The following PPP1R9A variants were observed in gnomAD, a reference collection of about 807,000 sequenced individuals.
The protein encoded by PPP1R9A is protein phosphatase 1 regulatory subunit 9A.
Under a neutral mutation model 141.9 loss-of-function variants are expected in PPP1R9A, and 59 were observed. The observed-to-expected ratio is 0.42, with a 90% CI of 0.34 to 0.52. The LOEUF (loss-of-function observed/expected upper bound fraction) is 0.52. Ranked by LOEUF, PPP1R9A falls within the 20% of genes least tolerant of loss-of-function variation. PPP1R9A has a pLI of 0.10. For missense variants in PPP1R9A, 1,444 were observed against 1,611.9 expected, an observed-to-expected ratio of 0.90 and a Z score of 1.78; for synonymous variants, 500 against 569.7, an observed-to-expected ratio of 0.88 and a Z score of 1.74.
At chr7:95,004,331 G>T (rs1000790950) in intron 2 of PPP1R9A, among the ~76,000 whole-genome samples, 1 of 151,652 alleles carries the variant, frequency 6.6e-6, no homozygotes, top group African/African-American at 2.4e-5. Flanking sequence ...ACAGTATGAC[G>T]GCCAAAAAAA....
At chr7:95,288,818 GAGGT>G in intron 19 of PPP1R9A, 100 bp downstream of exon 19, 1 of 1,353,792 alleles carries the variant, frequency 7.4e-7, no homozygotes, top group Non-Finnish European at 1.0e-6. Context: ...GCATATCTGA[GAGGT>G]AATTCTCATC....
intron 18 of PPP1R9A, among the ~76,000 whole-genome samples, chr7:95,287,766 A>C (rs1016235007): frequency 6.6e-6 from 1 of 151,928 alleles, no homozygotes; most frequent in Non-Finnish European, 1.5e-5. Context: ...GTTCACTGCA[A>C]CCTCCACCTC....
At chr7:94,999,823 A>T (rs1372856094) in intron 2 of PPP1R9A, among the ~76,000 whole-genome samples, 2 of 126,992 alleles carry the variant, frequency 1.6e-5, no homozygotes, top group Non-Finnish European at 3.3e-5. Flanking sequence ...ATTTATTTAG[A>T]TAGAGTCTCA....
At chr7:95,211,208 A>G (rs1384849300) in intron 7 of PPP1R9A, among the ~76,000 whole-genome samples, 2 of 152,274 alleles carry the variant, frequency 1.3e-5, no homozygotes, top group Middle Eastern at 3.4e-3. Flanking sequence ...TGGACAGACA[A>G]TACCTTTGGC....
chr7:95,112,763 CTT>C (rs1318419250), intron 3 of PPP1R9A, among the ~76,000 whole-genome samples: 13 of 151,948 alleles, frequency 8.6e-5, no homozygotes, highest in Admixed American at 5.2e-4. Context: ...GAAATCATGT[CTT>C]TTGCAGCAAC....
At chr7:94,931,250 G>T (rs1179331086) in intron 2 of PPP1R9A, among the ~76,000 whole-genome samples, 1 of 152,050 alleles carries the variant, frequency 6.6e-6, no homozygotes, top group Non-Finnish European at 1.5e-5. Flanking sequence ...CTTTTCTGAC[G>T]GCAGGTGAAC....
rs558749670 is a variant in PPP1R9A, at chr7:95,165,449, AC to A, written c.1754+3480del. Among the ~76,000 whole-genome samples the A allele has an allele frequency of 1.6e-4, 25 of 152,322 alleles. No homozygotes were observed. In the East Asian group the frequency reaches 4.8e-3, roughly 29 times the overall value. ...AACTTAACCAGACATGTGGGGAGGC[AC>A]CTTTGAAGATCTTCCAGCCTTACTA... On this transcript the variant is annotated intron_variant, in intron 5 of 19. Coordinates refer to ENST00000433360, the MANE Select transcript of PPP1R9A (RefSeq NM_001166160.2).
intron 5 of PPP1R9A, among the ~76,000 whole-genome samples, chr7:95,184,351 T>A (rs963106224): frequency 6.6e-6 from 1 of 152,180 alleles, no homozygotes; most frequent in Non-Finnish European, 1.5e-5. Flanking sequence ...AGATATATGT[T>A]TCAGGTATTA....
chr7:94,999,361 T>C (rs2151499960), intron 2 of PPP1R9A, among the ~76,000 whole-genome samples: 1 of 152,246 alleles, frequency 6.6e-6, no homozygotes, highest in Non-Finnish European at 1.5e-5. Context: ...GCCTATGGTA[T>C]AGAAATGGGA....
chr7:95,162,469 CA>C (rs2152715074), intron 5 of PPP1R9A, among the ~76,000 whole-genome samples: 1 of 152,192 alleles, frequency 6.6e-6, no homozygotes, highest in African/African-American at 2.4e-5. Flanking sequence ...ACTTAGGGTG[CA>C]TTTTTTTTGG....
intron 3 of PPP1R9A, among the ~76,000 whole-genome samples, chr7:95,118,724 CACTT>C (rs1821954317): frequency 1.3e-5 from 2 of 150,530 alleles, no homozygotes. Context: ...ATAATACCAG[CACTT>C]TGGGAGGCTG....
chr7:95,177,572 T>G (rs1350995778), intron 5 of PPP1R9A, among the ~76,000 whole-genome samples: 2 of 152,148 alleles, frequency 1.3e-5, no homozygotes, highest in East Asian at 3.8e-4. Context: ...AATGCTCCAC[T>G]TTAAAGAAAC....
intron 2 of PPP1R9A, among the ~76,000 whole-genome samples, chr7:94,931,108 A>G (rs563622741): frequency 3.9e-5 from 6 of 152,340 alleles, no homozygotes; most frequent in African/African-American, 1.4e-4. Context: ...TACTGGGTCT[A>G]TAATGATCTT....
intron 2 of PPP1R9A, among the ~76,000 whole-genome samples, chr7:94,926,587 CTAAAAAATTTGAATTATT>C (rs1563001331): frequency 2.0e-5 from 3 of 152,096 alleles, no homozygotes; most frequent in African/African-American, 7.2e-5. Context: ...ATTTAATTAA[CTAAAAAATTTGAATTATT>C]TCTTTTACTA....
At chr7:95,253,225 A>G (rs1373696623) in intron 12 of PPP1R9A, among the ~76,000 whole-genome samples, 1 of 152,206 alleles carries the variant, frequency 6.6e-6, no homozygotes, top group Non-Finnish European at 1.5e-5. Context: ...TTGTCATGAC[A>G]GGACCGACAA....
chr7:95,269,433 CA>C lies in PPP1R9A; in HGVS notation c.3053del (p.Lys1018SerfsTer33), dbSNP rs1368290181. 2.5e-6 allele frequency: 4 copies of C among 1,593,584 alleles called. No individual in the cohort carries two copies. Among genetic ancestry groups the C allele is most frequent in the Non-Finnish European group, 3.4e-6 (4 of 1,174,962 alleles). On this transcript the variant is annotated frameshift_variant, in exon 14 of 20. Coordinates refer to ENST00000433360, the MANE Select transcript of PPP1R9A (RefSeq NM_001166160.2). LOFTEE classifies it high-confidence loss of function. ...GGAGACACTTCACTGTTTTCTACTTCAAAGTCTGATCATGATGTGGAAGAAT... is the reference window on the plus strand; with the variant it reads ...GGAGACACTTCACTGTTTTCTACTTCAAGTCTGATCATGATGTGGAAGAAT... ...MWGDTSLFST[S>X]KSDHDVEESP...
At chr7:95,128,901 A>G (rs901034424) in intron 4 of PPP1R9A, among the ~76,000 whole-genome samples, 3 of 152,052 alleles carry the variant, frequency 2.0e-5, no homozygotes, top group Admixed American at 2.0e-4. Flanking sequence ...TCTTTTGAAG[A>G]CTTAGTCATA....
intron 10 of PPP1R9A, 21 bp downstream of exon 10, chr7:95,250,276 A>ATTCTTTAGTTATTAG: frequency 6.4e-7 from 1 of 1,572,142 alleles, no homozygotes; most frequent in Non-Finnish European, 8.7e-7. Context: ...TCTAATAACT[A>ATTCTTTAGTTATTAG]AAGAATAGTT....
chr7:95,187,818 G>A (rs1035468646), intron 5 of PPP1R9A, among the ~76,000 whole-genome samples: 1 of 151,622 alleles, frequency 6.6e-6, no homozygotes, highest in African/African-American at 2.4e-5. Context: ...AGTTTTGAGG[G>A]TTTTTTTTGA....
Sources: gnomAD v4.1 joint callset for allele counts (sites outside exome capture counted in the v4.1 genomes callset) on GRCh38, gnomAD v4.1.1 for gene constraint, MANE v1.5 for transcripts, NCBI Gene and HGNC (gene_info 2026-07-23, HGNC 2026-07-21) for gene names.